CCDC178: variants seen among roughly 807,000 people sequenced by gnomAD.
CCDC178 encodes coiled-coil domain-containing protein 178.
In CCDC178, 126 loss-of-function variants were observed where a neutral mutation model predicts 117.4. That is an observed-to-expected ratio of 1.07 (90% CI 0.93 to 1.24). The LOEUF is 1.24. Among genes scored for constraint, CCDC178 ranks in the 50% most tolerant of loss-of-function variants. The pLI is 0.00. For synonymous variants in CCDC178, 283 were observed against 313.4 expected (o/e 0.90, Z 1.02); for missense variants, 1,030 against 986.9 (o/e 1.04, Z -0.59).
chr18:32,968,594 G>A (rs1231215171), intron 22 of CCDC178, among the ~76,000 whole-genome samples: 1 of 151,884 alleles, frequency 6.6e-6, no homozygotes, highest in African/African-American at 2.4e-5. Context: ...TTCCCATATG[G>A]CTGTACTAAT....
At chr18:33,000,295 G>A (rs1055189908) in intron 21 of CCDC178, among the ~76,000 whole-genome samples, 4 of 150,542 alleles carry the variant, frequency 2.7e-5, no homozygotes, top group Admixed American at 2.6e-4. Context: ...AATCAGAGGA[G>A]ACAAAAGAAA....
chr18:33,015,770 A>G (rs956374271), intron 21 of CCDC178, among the ~76,000 whole-genome samples: 3 of 152,216 alleles, frequency 2.0e-5, no homozygotes, highest in Admixed American at 6.5e-5. Context: ...TGTATGGTGT[A>G]CAACTAGAAA....
chr18:33,355,080 C>T (rs909788685), intron 7 of CCDC178, among the ~76,000 whole-genome samples: 1 of 152,074 alleles, frequency 6.6e-6, no homozygotes, highest in Non-Finnish European at 1.5e-5. Flanking sequence ...ATTTTGGGTT[C>T]CCTTGAGAAC....
At chr18:33,073,514 TC>T (rs2057147081) in intron 21 of CCDC178, among the ~76,000 whole-genome samples, 1 of 139,008 alleles carries the variant, frequency 7.2e-6, no homozygotes, top group Non-Finnish European at 1.6e-5. Context: ...CATCTATCTA[TC>T]TATCTATCTA....
At chr18:33,430,370 G>A (rs2064192198) in intron 2 of CCDC178, among the ~76,000 whole-genome samples, 1 of 152,158 alleles carries the variant, frequency 6.6e-6, no homozygotes, top group Non-Finnish European at 1.5e-5. Flanking sequence ...GATTGTGGTA[G>A]AAATAACAAT....
chr18:33,420,820 TTAAAA>T (rs567912644), intron 2 of CCDC178, among the ~76,000 whole-genome samples: 3 of 151,902 alleles, frequency 2.0e-5, no homozygotes, highest in Non-Finnish European at 2.9e-5. Context: ...TATAAAAAGC[TTAAAA>T]TAAAGGCATA....
In CCDC178 at chr18:33,306,398, C is replaced by T. The variant is rs186349564; in HGVS notation, c.1023-13086G>A. On this transcript the variant is annotated intron_variant, in intron 11 of 22. Transcript: ENST00000383096. ...TCTCATGGCCAAAAGTCCAAGGTAACAGCTATTGGATCTTTGTGTGTGTGT... is the reference window on the plus strand; with the variant it reads ...TCTCATGGCCAAAAGTCCAAGGTAATAGCTATTGGATCTTTGTGTGTGTGT... Among the ~76,000 whole-genome samples the T allele has an allele frequency of 8.9e-5, 12 of 135,372 alleles. No individual in the cohort carries two copies. In the East Asian group the frequency reaches 2.0e-3, roughly 22 times the overall value. 88.8% of individuals were successfully genotyped at this position (135,372 alleles called of 152,430 possible).
chr18:33,143,565 T>C (rs1157723597), intron 20 of CCDC178, among the ~76,000 whole-genome samples: 4 of 152,156 alleles, frequency 2.6e-5, no homozygotes, highest in Admixed American at 6.5e-5. Context: ...TAGGATTCCA[T>C]TGTTTTCATG....
intron 9 of CCDC178, among the ~76,000 whole-genome samples, chr18:33,338,907 T>C (rs2062778145): frequency 6.6e-6 from 1 of 152,038 alleles, no homozygotes; most frequent in Non-Finnish European, 1.5e-5. Flanking sequence ...ATAAATAAAA[T>C]TTCCTAGTAA....
chr18:33,399,847 C>G (rs573312630), intron 3 of CCDC178, among the ~76,000 whole-genome samples: 2 of 152,284 alleles, frequency 1.3e-5, no homozygotes, highest in East Asian at 3.9e-4. Flanking sequence ...ATGGTGTACA[C>G]ATGTACACTT....
In CCDC178 at chr18:33,046,990, T is replaced by C. The variant is rs144382292; in HGVS notation, c.2388+45771A>G. Reference sequence around the variant, plus strand: ...ACTCAGCTTTGACATTTATTATGTATGGTAAAACATTGTATTAGAAATGGA... The same window carrying C: ...ACTCAGCTTTGACATTTATTATGTACGGTAAAACATTGTATTAGAAATGGA... On this transcript the variant is annotated intron_variant, in intron 21 of 22. Transcript: ENST00000383096. 1.8e-3 allele frequency among the ~76,000 whole-genome samples: 271 copies of C among 152,348 alleles called. 2 individuals are homozygous for C. The highest frequency in any genetic ancestry group is 6.2e-3 in the African/African-American group (256 of 41,588).
intron 15 of CCDC178, among the ~76,000 whole-genome samples, chr18:33,239,968 A>G (rs1461081175): frequency 6.6e-6 from 1 of 151,880 alleles, no homozygotes; most frequent in Non-Finnish European, 1.5e-5. Flanking sequence ...ATTCTCCAGG[A>G]TCAATCATAT....
chr18:33,173,763 C>T (rs752328652), intron 20 of CCDC178, among the ~76,000 whole-genome samples: 18 of 152,182 alleles, frequency 1.2e-4, no homozygotes, highest in Non-Finnish European at 1.9e-4. Context: ...ACTTGGTATA[C>T]AGAGTTCTCT....
intron 21 of CCDC178, among the ~76,000 whole-genome samples, chr18:33,084,913 G>A (rs2057355065): frequency 6.6e-6 from 1 of 151,946 alleles, no homozygotes; most frequent in Admixed American, 6.5e-5. Flanking sequence ...ATACATACAT[G>A]ATTTTCTACC....
intron 20 of CCDC178, among the ~76,000 whole-genome samples, chr18:33,209,010 G>A (rs937919889): frequency 3.3e-5 from 5 of 151,922 alleles, no homozygotes; most frequent in South Asian, 2.1e-4. Context: ...TGACATAGGC[G>A]ATACAGCAGG....
At chr18:33,321,329 G>T (rs1333679521) in intron 11 of CCDC178, among the ~76,000 whole-genome samples, 1 of 152,122 alleles carries the variant, frequency 6.6e-6, no homozygotes, top group African/African-American at 2.4e-5. Context: ...GAAAATTTTT[G>T]CAATCTACTC....
At chr18:33,148,357 G>A (rs2058297977) in intron 20 of CCDC178, among the ~76,000 whole-genome samples, 1 of 152,112 alleles carries the variant, frequency 6.6e-6, no homozygotes, top group Non-Finnish European at 1.5e-5. Context: ...AGGTTGCAGT[G>A]AGCCTAGATG....
intron 15 of CCDC178, among the ~76,000 whole-genome samples, chr18:33,240,400 C>T (rs1325097598): frequency 6.6e-6 from 1 of 150,716 alleles, no homozygotes; most frequent in African/African-American, 2.4e-5. Context: ...GAAACTGAGA[C>T]TAAAAATACA....
At position 33,334,481 on chromosome 18, in the gene CCDC178, C is replaced by A. The variant is rs73955116; in HGVS notation, c.659-1087G>T. Among the ~76,000 whole-genome samples the A allele has an allele frequency of 1.7e-3, 263 of 152,120 alleles. 1 individual carries two copies. The highest frequency in any genetic ancestry group is 5.9e-3 in the African/African-American group (247 of 41,556). ...TAGAAAAAAACCATTGAAAGATTTT[C>A]TCATTATTTTAACTTTCTGGCATTA... is the stretch of plus-strand genomic sequence containing the variant. On this transcript the variant is annotated intron_variant, in intron 9 of 22. Coordinates refer to ENST00000383096, the MANE Select transcript of CCDC178 (RefSeq NM_001105528.4).
Sources: gnomAD v4.1 joint callset for allele counts (sites outside exome capture counted in the v4.1 genomes callset) on GRCh38, gnomAD v4.1.1 for gene constraint, MANE v1.5 for transcripts, NCBI Gene and HGNC (gene_info 2026-07-23, HGNC 2026-07-21) for gene names.